The following PRKCQ variants were observed in gnomAD, a reference collection of about 807,000 sequenced individuals.
PRKCQ encodes the protein protein kinase C theta, also known as protein kinase C theta type.
Under a neutral mutation model 91.2 loss-of-function variants are expected in PRKCQ, and 41 were observed. That is an observed-to-expected ratio of 0.45 (90% CI 0.35 to 0.58). The LOEUF (loss-of-function observed/expected upper bound fraction) is 0.58. Among genes scored for constraint, PRKCQ ranks in the 20% least tolerant of loss-of-function variants. The pLI is 0.00. For missense variants in PRKCQ, 673 were observed against 896.5 expected (o/e 0.75, Z 3.18); for synonymous variants, 307 against 316.9 (o/e 0.97, Z 0.33).
At chr10:6,396,119 T>C in the PRKCQ span, among the ~76,000 whole-genome samples, 116,679 of 152,120 alleles carry the variant, frequency 0.77, 48,949 homozygotes, top group Non-Finnish European at 0.92. Context: ...GCTACTATTA[T>C]CATAGTTAAA....
chr10:6,479,766 CTA>C (rs1836482063), intron 11 of PRKCQ, among the ~76,000 whole-genome samples: 3 of 32,080 alleles, frequency 9.4e-5, no homozygotes, highest in African/African-American at 4.3e-4. Context: ...CCCGTCTCGA[CTA>C]AAAAAAAAAA....
Position 6,496,887 on chromosome 10 carries a change from T to C in PRKCQ, c.660+148A>G, listed in dbSNP as rs1056920576. On this transcript the variant is annotated intron_variant, in intron 7 of 17. Transcript: ENST00000263125. The stretch of plus-strand genomic sequence containing the variant: ...TTGGGTAATTCAGTAAGAATCATTA[T>C]TGAAGAGGAAAGAGTTTTGGGGAGA... 43 of 752,252 alleles carry C rather than the reference T, an allele frequency of 5.7e-5. No homozygotes were observed. The Admixed American group carries it at 8.7e-4, about 15-fold the overall frequency. 46.6% of individuals were successfully genotyped at this position (752,252 alleles called of 1,614,324 possible).
chr10:6,442,009 T>C lies in PRKCQ; in HGVS notation c.1720A>G (p.Ile574Val). The part of the protein sequence containing the change: ...SFGVLLYEML[I>V]GQSPFHGQDE... ...TGCCCGTGGAAAGGCGACTGACCAA[T>C]CAGCATTTCATAAAGGAGAACCCCG... is the stretch of plus-strand genomic sequence containing the variant. The change falls in exon 16 of 18, where the codon ATT becomes GTT. Residue 574 changes from isoleucine to valine, a missense_variant. Ile to Val is a conservative substitution (Grantham distance 29). Coordinates refer to ENST00000263125, the MANE Select transcript of PRKCQ (RefSeq NM_006257.5). The C allele has an allele frequency of 6.2e-7, 1 of 1,614,076 alleles. No individual in the cohort carries two copies. The highest frequency in any genetic ancestry group is 8.5e-7 in the Non-Finnish European group (1 of 1,180,014).
At chr10:6,409,542 G>T in the PRKCQ span, among the ~76,000 whole-genome samples, 23 of 152,056 alleles carry the variant, frequency 1.5e-4, no homozygotes, top group Non-Finnish European at 2.6e-4. Context: ...TGCTCCGCCC[G>T]CCTCGGCCTC....
At chr10:6,414,245 A>C in the PRKCQ span, among the ~76,000 whole-genome samples, 3 of 152,216 alleles carry the variant, frequency 2.0e-5, no homozygotes. Flanking sequence ...GCAGTGGGGA[A>C]AACTACCCTT....
intron 16 of PRKCQ, among the ~76,000 whole-genome samples, chr10:6,437,079 G>A (rs773499855): frequency 2.6e-5 from 4 of 152,176 alleles, no homozygotes; most frequent in South Asian, 2.1e-4. Context: ...GTGCTCTCAC[G>A]CCTCAGGTTG....
chr10:6,455,643 C>A (rs747580633), intron 15 of PRKCQ, among the ~76,000 whole-genome samples: 1 of 152,198 alleles, frequency 6.6e-6, no homozygotes, highest in African/African-American at 2.4e-5. Flanking sequence ...TATGCCAACA[C>A]CTGCACTAGG....
chr10:6,397,031 G>A, the PRKCQ span, among the ~76,000 whole-genome samples: 6 of 152,118 alleles, frequency 3.9e-5, no homozygotes, highest in Admixed American at 1.3e-4. Context: ...AATGACTAAC[G>A]ATGTTGACCA....
chr10:6,574,152 G>A (rs1378341052), intron 1 of PRKCQ, among the ~76,000 whole-genome samples: 1 of 152,164 alleles, frequency 6.6e-6, no homozygotes, highest in Non-Finnish European at 1.5e-5. Context: ...ACCCCTGGCT[G>A]TCTTGTTGTC....
chr10:6,529,027 G>C (rs1481919565), intron 1 of PRKCQ, among the ~76,000 whole-genome samples: 2 of 152,150 alleles, frequency 1.3e-5, no homozygotes, highest in African/African-American at 4.8e-5. Flanking sequence ...AATACCCTAA[G>C]TTCTCTTCTG....
chr10:6,481,202 G>A (rs753994129), intron 11 of PRKCQ, among the ~76,000 whole-genome samples: 11 of 152,194 alleles, frequency 7.2e-5, no homozygotes, highest in Non-Finnish European at 1.3e-4. Flanking sequence ...TTGGGATACC[G>A]ACTAAGGCTT....
At chr10:6,474,057 C>T (rs72781758) in intron 12 of PRKCQ, among the ~76,000 whole-genome samples, 2 of 152,238 alleles carry the variant, frequency 1.3e-5, no homozygotes, top group Non-Finnish European at 2.9e-5. Context: ...CACACTCATG[C>T]CCTGAAGCCA....
At chr10:6,464,210 T>C (rs1835509245) in intron 13 of PRKCQ, 103 bp downstream of exon 13, 10 of 966,612 alleles carry the variant, frequency 1.0e-5, no homozygotes, top group Non-Finnish European at 1.6e-5. Flanking sequence ...AGGGTTCACC[T>C]GGCCCTGGGA....
the PRKCQ span, among the ~76,000 whole-genome samples, chr10:6,402,286 T>C: frequency 2.7e-5 from 4 of 146,582 alleles, no homozygotes; most frequent in East Asian, 8.0e-4. Flanking sequence ...TGCATACCTA[T>C]GTAACAAAAC....
At chr10:6,482,987 G>A (rs1001879147) in intron 11 of PRKCQ, among the ~76,000 whole-genome samples, 1 of 152,012 alleles carries the variant, frequency 6.6e-6, no homozygotes, top group African/African-American at 2.4e-5. Flanking sequence ...ACACAGAGCC[G>A]AGCCCTATCA....
intron 1 of PRKCQ, among the ~76,000 whole-genome samples, chr10:6,538,640 T>C (rs998405815): frequency 1.3e-5 from 2 of 152,202 alleles, no homozygotes; most frequent in African/African-American, 4.8e-5. Context: ...CAAAGTGACA[T>C]AAGTCTGCCA....
intron 1 of PRKCQ, among the ~76,000 whole-genome samples, chr10:6,527,587 C>T (rs868145819): frequency 2.6e-5 from 4 of 152,254 alleles, no homozygotes; most frequent in Middle Eastern, 3.4e-3. Flanking sequence ...CTCAGGCCCC[C>T]CAAACCAGTT....
the PRKCQ span, among the ~76,000 whole-genome samples, chr10:6,415,556 T>TGTGGTAAG: frequency 6.8e-6 from 1 of 146,402 alleles, no homozygotes; most frequent in South Asian, 2.3e-4. Flanking sequence ...AGAACAAGCT[T>TGTGGTAAG]GTGGTAAGGT....
At chr10:6,529,746 T>C (rs756268670) in intron 1 of PRKCQ, among the ~76,000 whole-genome samples, 1 of 152,228 alleles carries the variant, frequency 6.6e-6, no homozygotes, top group Non-Finnish European at 1.5e-5. Context: ...GACTACATTA[T>C]CATATCTGCA....
Sources: gnomAD v4.1 joint callset for allele counts (sites outside exome capture counted in the v4.1 genomes callset) on GRCh38, gnomAD v4.1.1 for gene constraint, MANE v1.5 for transcripts, NCBI Gene and HGNC (gene_info 2026-07-23, HGNC 2026-07-21) for gene names.